TSGA10: variants seen among roughly 807,000 people sequenced by gnomAD.
The protein encoded by TSGA10 is testis specific 10.
A neutral mutation model predicts 96.6 loss-of-function variants in TSGA10; 43 were observed. The ratio of observed to expected loss-of-function variants is 0.44; its 90% CI spans 0.35 to 0.57. The LOEUF (loss-of-function observed/expected upper bound fraction) is 0.57. TSGA10 is among the 20% of genes least tolerant of loss of function. The pLI, the probability that TSGA10 is intolerant of heterozygous loss-of-function variation, is 0.01. For missense variants in TSGA10, 703 were observed against 834.4 expected (o/e 0.84, Z 1.94); for synonymous variants, 229 against 269.9 (o/e 0.85, Z 1.48).
intron 16 of TSGA10, among the ~76,000 whole-genome samples, chr2:99,057,043 T>C (rs767523605): frequency 9.9e-5 from 15 of 152,064 alleles, no homozygotes; most frequent in Non-Finnish European, 1.8e-4. Context: ...AAATACACTC[T>C]TCAAAGTAAC....
chr2:99,035,163 C>T, intron 17 of TSGA10, 67 bp downstream of exon 17: 1 of 1,252,786 alleles, frequency 8.0e-7, no homozygotes, highest in East Asian at 2.6e-5. Context: ...AAAGAACTTA[C>T]TTTTCCAAAA....
chr2:99,139,964 A>C (rs1269994036), intron 1 of TSGA10, among the ~76,000 whole-genome samples: 1 of 152,188 alleles, frequency 6.6e-6, no homozygotes, highest in South Asian at 2.1e-4. Context: ...GGACTTCAAA[A>C]CCAAATCGTC....
At chr2:99,013,757 T>C (rs1252973985) in intron 20 of TSGA10, among the ~76,000 whole-genome samples, 1 of 151,946 alleles carries the variant, frequency 6.6e-6, no homozygotes, top group Non-Finnish European at 1.5e-5. Flanking sequence ...GGCTCATGCC[T>C]GTAATCCCAG....
intron 1 of TSGA10, among the ~76,000 whole-genome samples, chr2:99,140,411 T>C (rs1044078767): frequency 6.6e-6 from 1 of 151,280 alleles, no homozygotes; most frequent in Non-Finnish European, 1.5e-5. Flanking sequence ...TCTCCTAGGA[T>C]ATAAGGTCCT....
intron 17 of TSGA10, among the ~76,000 whole-genome samples, chr2:99,025,290 T>C (rs796598900): frequency 2.0e-5 from 3 of 152,366 alleles, no homozygotes; most frequent in African/African-American, 7.2e-5. Flanking sequence ...TAAAAATTTC[T>C]ATTTTCACCT....
At chr2:99,066,370 AG>A (rs1429451067) in intron 15 of TSGA10, among the ~76,000 whole-genome samples, 2 of 152,170 alleles carry the variant, frequency 1.3e-5, no homozygotes, top group Non-Finnish European at 2.9e-5. Context: ...ATGTACTTGG[AG>A]GGTGCTTGTA....
chr2:99,099,546 A>G (rs1388771777), intron 10 of TSGA10, among the ~76,000 whole-genome samples: 3 of 152,220 alleles, frequency 2.0e-5, no homozygotes, highest in Non-Finnish European at 4.4e-5. Context: ...GGAGAAAAAT[A>G]ATGTGACCAT....
intron 1 of TSGA10, 26 bp from the exon 2 acceptor site, chr2:99,127,202 C>T (rs1371450513): frequency 2.4e-6 from 3 of 1,246,788 alleles, no homozygotes; most frequent in East Asian, 5.9e-5. Flanking sequence ...GGAAATAATA[C>T]AGAGGCATTC....
intron 5 of TSGA10, among the ~76,000 whole-genome samples, chr2:99,110,296 G>A (rs1374956452): frequency 6.6e-6 from 1 of 152,164 alleles, no homozygotes; most frequent in African/African-American, 2.4e-5. Flanking sequence ...CCACAAATTT[G>A]CATTCACTTT....
At chr2:99,082,152 T>C (rs1002764390) in intron 10 of TSGA10, among the ~76,000 whole-genome samples, 3 of 152,216 alleles carry the variant, frequency 2.0e-5, no homozygotes, top group Non-Finnish European at 4.4e-5. Context: ...GAACAAACAA[T>C]GTGTGAAGTT....
chr2:99,005,685 A>T (rs1384636664), intron 20 of TSGA10, among the ~76,000 whole-genome samples: 1 of 152,210 alleles, frequency 6.6e-6, no homozygotes, highest in African/African-American at 2.4e-5. Context: ...CATGGGTAGG[A>T]AGAATCAATA....
chr2:99,032,089 C>G (rs2081189274), intron 17 of TSGA10, among the ~76,000 whole-genome samples: 1 of 152,050 alleles, frequency 6.6e-6, no homozygotes, highest in African/African-American at 2.4e-5. Flanking sequence ...TGATGTGCTT[C>G]AATTGTACAG....
intron 10 of TSGA10, among the ~76,000 whole-genome samples, chr2:99,092,574 G>C (rs1163957711): frequency 6.6e-6 from 1 of 152,026 alleles, no homozygotes; most frequent in Non-Finnish European, 1.5e-5. Flanking sequence ...AGCTCAATTA[G>C]AAATGAAATG....
At chr2:99,151,809 G>A (rs2093696879) in intron 1 of TSGA10, among the ~76,000 whole-genome samples, 1 of 95,508 alleles carries the variant, frequency 1.0e-5, no homozygotes, top group Non-Finnish European at 2.6e-5. Flanking sequence ...TATTTAATAT[G>A]AGAAAAAACA....
At chr2:99,010,831 G>C (rs1348378551) in intron 20 of TSGA10, among the ~76,000 whole-genome samples, 1 of 152,232 alleles carries the variant, frequency 6.6e-6, no homozygotes, top group Non-Finnish European at 1.5e-5. Context: ...TGCTGTGCTT[G>C]CTTTTTCAGT....
At chr2:99,064,787 T>A (rs1573991411) in intron 16 of TSGA10, 152 bp downstream of exon 16, 1 of 544,604 alleles carries the variant, frequency 1.8e-6, no homozygotes, top group East Asian at 3.3e-5. Flanking sequence ...TGTAGAAGAA[T>A]CAAAGTATAA....
intron 20 of TSGA10, among the ~76,000 whole-genome samples, chr2:98,998,514 C>T (rs2077624519): frequency 1.3e-5 from 2 of 152,078 alleles, no homozygotes; most frequent in Non-Finnish European, 2.9e-5. Context: ...AAAAGGTTAT[C>T]TCAAAACGAC....
intron 1 of TSGA10, chr2:99,141,004 C>G: frequency 9.0e-7 from 1 of 1,110,906 alleles, no homozygotes; most frequent in Non-Finnish European, 1.2e-6. Context: ...CACTCCTGCC[C>G]GCTTGCAGCC....
chr2:99,106,806 CTT>C (rs1306872526), intron 7 of TSGA10, among the ~76,000 whole-genome samples: 1 of 152,146 alleles, frequency 6.6e-6, no homozygotes, highest in East Asian at 1.9e-4. Context: ...TGTCTGTCAT[CTT>C]TGTCTCTTTC....
Sources: gnomAD v4.1 joint callset for allele counts (sites outside exome capture counted in the v4.1 genomes callset) on GRCh38, gnomAD v4.1.1 for gene constraint, MANE v1.5 for transcripts, NCBI Gene and HGNC (gene_info 2026-07-23, HGNC 2026-07-21) for gene names.